SCNN1B: variants seen among roughly 807,000 people sequenced by gnomAD.
SCNN1B encodes the protein sodium channel epithelial 1 subunit beta, also known as epithelial sodium channel subunit beta.
A neutral mutation model predicts 65.3 loss-of-function variants in SCNN1B; 46 were observed. The ratio of observed to expected loss-of-function variants is 0.70; its 90% CI spans 0.56 to 0.90. The LOEUF is 0.90. Ranked by LOEUF, SCNN1B falls within the 40% of genes least tolerant of loss-of-function variation. SCNN1B has a pLI of 0.00. For missense variants in SCNN1B, 751 were observed against 830.5 expected, an observed-to-expected ratio of 0.90 and a Z score of 1.18; for synonymous variants, 349 against 330.6, an observed-to-expected ratio of 1.06 and a Z score of -0.60.
intron 4 of SCNN1B, among the ~76,000 whole-genome samples, chr16:23,362,506 C>A (rs770489703): frequency 5.3e-5 from 8 of 152,106 alleles, no homozygotes; most frequent in Non-Finnish European, 1.0e-4. Context: ...CTGCTTCCTG[C>A]TAGGATGCTC....
intron 1 of SCNN1B, among the ~76,000 whole-genome samples, chr16:23,323,748 C>T (rs1961635401): frequency 6.6e-6 from 1 of 152,172 alleles, no homozygotes; most frequent in African/African-American, 2.4e-5. Flanking sequence ...GTTGAGGGGC[C>T]TTTATTCTAT....
At chr16:23,330,795 C>A (rs3785363) in intron 1 of SCNN1B, among the ~76,000 whole-genome samples, 15,021 of 152,068 alleles carry the variant, frequency 0.099, 823 homozygotes, top group Middle Eastern at 0.14. Context: ...TTCTTGAACT[C>A]CTGGCCTCAA....
intron 4 of SCNN1B, among the ~76,000 whole-genome samples, chr16:23,357,025 C>T (rs1452965903): frequency 6.6e-6 from 1 of 152,256 alleles, no homozygotes; most frequent in Non-Finnish European, 1.5e-5. Flanking sequence ...GGGTATGCCA[C>T]ACCCACCTCG....
At position 23,343,513 on chromosome 16, in the gene SCNN1B, GAAGGAAGGAAGGAAGA is replaced by G. The variant is rs1962102864; in HGVS notation, c.-8-5075_-8-5060del. On this transcript the variant is annotated intron_variant, in intron 1 of 12. Coordinates refer to ENST00000343070, the MANE Select transcript of SCNN1B (RefSeq NM_000336.3). ...AAGGAAGGAAGGAAGGAAGGAAAAG[GAAGGAAGGAAGGAAGA>G]AAGAGGGAGGGAGGGAGGGAAGGAA... Among the ~76,000 whole-genome samples, 4 of 97,516 alleles carry G rather than the reference GAAGGAAGGAAGGAAGA, an allele frequency of 4.1e-5. No individual in the cohort carries two copies. The East Asian group carries it at 1.4e-3, about 33-fold the overall frequency. The allele number at this position is 97,516 out of a possible 152,430, so 64.0% of individuals were successfully genotyped here. A position where few individuals can be genotyped will look rare whatever the true frequency, so the allele number is the denominator to read the frequency against.
chr16:23,313,293 A>G (rs1961382847), intron 1 of SCNN1B, among the ~76,000 whole-genome samples: 1 of 152,032 alleles, frequency 6.6e-6, no homozygotes, highest in Non-Finnish European at 1.5e-5. Flanking sequence ...CTTCACCCCT[A>G]ATCTTGAACT....
At chr16:23,305,527 ATATATAT>A (rs1459980107) in intron 1 of SCNN1B, among the ~76,000 whole-genome samples, 2,203 of 5,300 alleles carry the variant, frequency 0.42, 317 homozygotes, top group Non-Finnish European at 0.47. Flanking sequence ...TCTACCAAAT[ATATATAT>A]TATATATATA....
chr16:23,370,205 A>G (rs1197469778), intron 5 of SCNN1B, among the ~76,000 whole-genome samples: 2 of 152,168 alleles, frequency 1.3e-5, no homozygotes. Context: ...TCCCAGGTTC[A>G]AGCAATTCTC....
At chr16:23,376,099 C>T (rs558377689) in intron 8 of SCNN1B, among the ~76,000 whole-genome samples, 13 of 152,358 alleles carry the variant, frequency 8.5e-5, no homozygotes, top group East Asian at 1.9e-4. Flanking sequence ...ATAGAATGCA[C>T]GTGTCCTTGT....
chr16:23,378,608 A>AG, intron 10 of SCNN1B, 98 bp from the exon 11 acceptor site: 1 of 1,094,312 alleles, frequency 9.1e-7, no homozygotes, highest in Non-Finnish European at 1.4e-6. Context: ...GGCCTCAGGA[A>AG]GGGACAGGGC....
intron 8 of SCNN1B, among the ~76,000 whole-genome samples, 153 bp downstream of exon 8, chr16:23,376,008 C>A (rs768807654): frequency 1.3e-5 from 2 of 152,218 alleles, no homozygotes; most frequent in Non-Finnish European, 2.9e-5. Flanking sequence ...CTATGATCCC[C>A]TCCCAGGCCT....
Position 23,285,165 on chromosome 16 carries a change from C to T in SCNN1B, n.178+1361C>T, listed in dbSNP as rs547441076. Among the ~76,000 whole-genome samples, 4 of 152,200 alleles carry T rather than the reference C, an allele frequency of 2.6e-5. No individual in the cohort carries two copies. The South Asian group carries it at 8.3e-4, about 32-fold the overall frequency. ...TGGTTTCTCACTTTTGTCAAAGGTACCATATGGTCATGTTAGACGTTAAGA... is the reference window on the plus strand; with the variant it reads ...TGGTTTCTCACTTTTGTCAAAGGTATCATATGGTCATGTTAGACGTTAAGA... On this transcript the variant is annotated intron_variant and non_coding_transcript_variant, in intron 2 of 3. Transcript: ENST00000569789.
chr16:23,354,453 C>T (rs1410326028), intron 3 of SCNN1B, among the ~76,000 whole-genome samples: 1 of 152,244 alleles, frequency 6.6e-6, no homozygotes, highest in African/African-American at 2.4e-5. Context: ...AGCCTCGTGG[C>T]CAAGGCCAGA....
chr16:23,280,433 A>G (rs1300558076), intron 1 of SCNN1B, among the ~76,000 whole-genome samples: 4 of 152,050 alleles, frequency 2.6e-5, no homozygotes, highest in African/African-American at 9.7e-5. Context: ...CATGTTGCCC[A>G]GGCTGGAACT....
intron 8 of SCNN1B, 26 bp downstream of exon 8, chr16:23,375,881 A>G (rs1422071121): frequency 8.2e-6 from 12 of 1,459,114 alleles, no homozygotes; most frequent in Middle Eastern, 3.5e-4. Context: ...GGGGATCGGC[A>G]CTCCAGCCAT....
At chr16:23,353,716 G>A (rs942099940) in intron 3 of SCNN1B, among the ~76,000 whole-genome samples, 2 of 152,246 alleles carry the variant, frequency 1.3e-5, no homozygotes, top group African/African-American at 4.8e-5. Flanking sequence ...ACTAAGTCTT[G>A]TTATCAAAAG....
intron 1 of SCNN1B, among the ~76,000 whole-genome samples, chr16:23,304,812 C>G (rs140576872): frequency 6.0e-4 from 92 of 152,260 alleles, no homozygotes; most frequent in Non-Finnish European, 1.1e-3. Flanking sequence ...CAGGCAATTC[C>G]CTTCCCCTCC....
chr16:23,340,426 C>A (rs943859290), intron 1 of SCNN1B, among the ~76,000 whole-genome samples: 6 of 151,966 alleles, frequency 3.9e-5, no homozygotes, highest in African/African-American at 1.5e-4. Context: ...TTTATTAGGT[C>A]TATGAACCAT....
chr16:23,336,533 A>G (rs572449076), intron 1 of SCNN1B, among the ~76,000 whole-genome samples: 201 of 152,010 alleles, frequency 1.3e-3, no homozygotes, highest in African/African-American at 4.7e-3. Context: ...CACCATGCCC[A>G]GCTAATTTGT....
intron 1 of SCNN1B, among the ~76,000 whole-genome samples, chr16:23,338,887 T>C (rs1442252277): frequency 1.3e-5 from 2 of 152,254 alleles, no homozygotes; most frequent in African/African-American, 2.4e-5. Context: ...AGACATAATT[T>C]ACATATAATA....
Sources: allele counts gnomAD v4.1 joint callset (sites outside exome capture counted in the v4.1 genomes callset), GRCh38; gene constraint gnomAD v4.1.1; transcripts MANE v1.5; gene names NCBI Gene and HGNC (gene_info 2026-07-23, HGNC 2026-07-21).